The following ATG7 variants were observed in gnomAD, a reference collection of about 807,000 sequenced individuals.
ATG7 encodes the protein autophagy related 7, also known as ubiquitin-like modifier-activating enzyme ATG7.
ATG7 carries 70 observed loss-of-function variants against 82.4 expected under a neutral mutation model. The ratio of observed to expected loss-of-function variants is 0.85; its 90% CI spans 0.70 to 1.04. The LOEUF (loss-of-function observed/expected upper bound fraction) is 1.04. ATG7 is among the 50% of genes least tolerant of loss of function. The probability of loss-of-function intolerance (pLI) is 0.00; values close to 1 mark genes in which losing one functional copy is unlikely to be tolerated. For missense variants in ATG7, 792 were observed against 864.3 expected (o/e 0.92, Z 1.05); for synonymous variants, 287 against 313.0 (o/e 0.92, Z 0.88).
intron 14 of ATG7, among the ~76,000 whole-genome samples, chr3:11,356,050 CACAA>C (rs1376761897): frequency 1.9e-4 from 29 of 152,140 alleles, no homozygotes; most frequent in Non-Finnish European, 2.9e-5. Context: ...AGAAGCCAAA[CACAA>C]ACAAGTATAT....
intron 20 of ATG7, among the ~76,000 whole-genome samples, chr3:11,481,342 T>C (rs531266456): frequency 6.6e-6 from 1 of 152,332 alleles, no homozygotes; most frequent in East Asian, 1.9e-4. Context: ...TTTACGATGA[T>C]AAAAAAATTT....
the ATG7 span, among the ~76,000 whole-genome samples, chr3:11,563,736 C>G: frequency 0.014 from 2,109 of 152,326 alleles, 55 homozygotes; most frequent in African/African-American, 0.048. Context: ...TCTGGTACCC[C>G]CTGGCACACA....
chr3:11,316,077 A>T (rs1194267198), intron 9 of ATG7, among the ~76,000 whole-genome samples: 2 of 151,624 alleles, frequency 1.3e-5, no homozygotes, highest in Admixed American at 6.6e-5. Context: ...GATGTATTTT[A>T]CCCTCTATGT....
the ATG7 span, among the ~76,000 whole-genome samples, chr3:11,567,306 A>G: frequency 6.6e-6 from 1 of 151,766 alleles, no homozygotes; most frequent in African/African-American, 2.4e-5. Flanking sequence ...CGCCAAGAGA[A>G]CCCTGTCAGC....
At chr3:11,426,311 G>T (rs2082358186) in intron 19 of ATG7, among the ~76,000 whole-genome samples, 1 of 151,824 alleles carries the variant, frequency 6.6e-6, no homozygotes, top group Non-Finnish European at 1.5e-5. Context: ...CATGTTTATT[G>T]GCTCTTTGGA....
chr3:11,568,667 T>G, the ATG7 span: 1 of 1,557,566 alleles, frequency 6.4e-7, no homozygotes, highest in Non-Finnish European at 8.7e-7. This position sits in a 1 kb window ranked among gnomAD's most constrained non-coding sequence, Gnocchi z 5.9. Flanking sequence ...CAGGCCCCGC[T>G]CGCCCGGATG....
intron 19 of ATG7, among the ~76,000 whole-genome samples, chr3:11,384,658 G>A (rs563183616): frequency 6.6e-5 from 10 of 152,136 alleles, no homozygotes; most frequent in Non-Finnish European, 1.2e-4. Flanking sequence ...ATGTTTTCTT[G>A]TTACTTATGA....
chr3:11,426,125 G>A (rs1178504020), intron 19 of ATG7, among the ~76,000 whole-genome samples: 2 of 152,150 alleles, frequency 1.3e-5, no homozygotes, highest in Non-Finnish European at 2.9e-5. Flanking sequence ...TTTGTTGGGT[G>A]TATATACACA....
intron 8 of ATG7, among the ~76,000 whole-genome samples, chr3:11,314,727 G>T (rs2152724167): frequency 6.6e-6 from 1 of 152,270 alleles, no homozygotes; most frequent in Admixed American, 6.5e-5. Context: ...TTGAGCTCAG[G>T]AGTTCAAGAC....
intron 5 of ATG7, among the ~76,000 whole-genome samples, chr3:11,299,782 A>G (rs1221719101): frequency 1.3e-5 from 2 of 152,164 alleles, no homozygotes; most frequent in Admixed American, 1.3e-4. Context: ...GCATTGATCA[A>G]TGAATGTTTA....
chr3:11,405,864 C>T (rs527287154), intron 19 of ATG7, among the ~76,000 whole-genome samples: 10 of 152,106 alleles, frequency 6.6e-5, no homozygotes, highest in Non-Finnish European at 1.5e-4. Context: ...AAGACATCCA[C>T]CGCCTTGGCC....
chr3:11,329,835 C>T (rs78792196), intron 9 of ATG7, among the ~76,000 whole-genome samples: 2,766 of 152,196 alleles, frequency 0.018, 81 homozygotes, highest in East Asian at 0.064. Flanking sequence ...TAGACATTTC[C>T]GATTTCACCA....
chr3:11,418,940 C>T (rs752959838), intron 19 of ATG7, among the ~76,000 whole-genome samples: 16 of 152,152 alleles, frequency 1.1e-4, no homozygotes, highest in Admixed American at 2.6e-4. Context: ...AACTCGCTAT[C>T]GCAAGAACAG....
chr3:11,330,827 G>A (rs1354104672), intron 9 of ATG7, among the ~76,000 whole-genome samples: 1 of 151,332 alleles, frequency 6.6e-6, no homozygotes, highest in Non-Finnish European at 1.5e-5. Context: ...GATGAAGATC[G>A]GGATTGGAGT....
At chr3:11,531,060 A>G (rs1026393086) in intron 20 of ATG7, among the ~76,000 whole-genome samples, 2 of 152,164 alleles carry the variant, frequency 1.3e-5, no homozygotes, top group Non-Finnish European at 2.9e-5. Context: ...CCACAGGACT[A>G]TGGAGTCGGC....
intron 4 of ATG7, 81 bp downstream of exon 4, chr3:11,298,936 A>C: frequency 6.8e-7 from 1 of 1,479,532 alleles, no homozygotes; most frequent in Non-Finnish European, 9.3e-7. Context: ...TTCCTTTAGA[A>C]AGAGACAGCC....
intron 10 of ATG7, among the ~76,000 whole-genome samples, chr3:11,332,311 G>T (rs1235588805): frequency 6.6e-6 from 1 of 152,176 alleles, no homozygotes; most frequent in African/African-American, 2.4e-5. Context: ...TTCCATTTAT[G>T]TAAAGTTAAA....
intron 20 of ATG7, among the ~76,000 whole-genome samples, chr3:11,492,839 A>G (rs1392707335): frequency 6.6e-6 from 1 of 152,254 alleles, no homozygotes; most frequent in African/African-American, 2.4e-5. Flanking sequence ...TGGTGCTGGA[A>G]GGAACAAACT....
the ATG7 span, among the ~76,000 whole-genome samples, chr3:11,569,896 G>A: frequency 4.7e-4 from 72 of 152,262 alleles, 4 homozygotes; most frequent in South Asian, 0.015. Flanking sequence ...AAATAAGATT[G>A]CTAGCACATC....
Sources: gnomAD v4.1 joint callset for allele counts (sites outside exome capture counted in the v4.1 genomes callset) on GRCh38, gnomAD v4.1.1 for gene constraint, Gnocchi (gnomAD v3.1) non-coding constraint, MANE v1.5 for transcripts, NCBI Gene and HGNC (gene_info 2026-07-23, HGNC 2026-07-21) for gene names.